CLVS1: variants seen among roughly 807,000 people sequenced by gnomAD.
CLVS1 encodes the protein clavesin-1.
Under a neutral mutation model 33.1 loss-of-function variants are expected in CLVS1, and 10 were observed. The ratio of observed to expected loss-of-function variants is 0.30; its 90% CI spans 0.19 to 0.51. The LOEUF (loss-of-function observed/expected upper bound fraction) is 0.51, where lower values mean the gene tolerates loss of function less well. Ranked by LOEUF, CLVS1 falls within the 20% of genes least tolerant of loss-of-function variation. The pLI is 0.97. For synonymous variants in CLVS1, 163 were observed against 166.1 expected, an observed-to-expected ratio of 0.98 and a Z score of 0.14; for missense variants, 343 against 433.4, an observed-to-expected ratio of 0.79 and a Z score of 1.85.
intron 2 of CLVS1, among the ~76,000 whole-genome samples, chr8:61,168,261 T>C (rs1482040473): frequency 6.6e-6 from 1 of 152,214 alleles, no homozygotes; most frequent in African/African-American, 2.4e-5. Context: ...CTATATGTTT[T>C]ACAGCCATAA....
intron 2 of CLVS1, among the ~76,000 whole-genome samples, chr8:61,184,531 C>T (rs527545974): frequency 2.6e-5 from 4 of 152,280 alleles, no homozygotes; most frequent in African/African-American, 4.8e-5. Flanking sequence ...AAGGCTGTAG[C>T]GGAGAAGCAG....
chr8:61,149,551 C>CA (rs1166606940), intron 2 of CLVS1, among the ~76,000 whole-genome samples: 9,390 of 51,386 alleles, frequency 0.18, 1,085 homozygotes, highest in East Asian at 0.29. Flanking sequence ...GACTCTGTCT[C>CA]AAAAAAAAAA....
chr8:61,347,796 T>G lies in CLVS1; in HGVS notation c.456-28809T>G, dbSNP rs546982682. Among the ~76,000 whole-genome samples the G allele has an allele frequency of 3.3e-5, 5 of 150,454 alleles. No homozygotes were observed. In the South Asian group the frequency reaches 8.5e-4, roughly 26 times the overall value. ...TATCCTTTGGCTATATACTCAGAGG[T>G]GGGATTGCTGAATCATATGATAGTT... On this transcript the variant is annotated intron_variant, in intron 2 of 5. Transcript: ENST00000325897.
chr8:61,352,990 G>T (rs557443640), intron 2 of CLVS1, among the ~76,000 whole-genome samples: 3 of 152,028 alleles, frequency 2.0e-5, no homozygotes, highest in East Asian at 1.9e-4. Context: ...AGGAATCCTG[G>T]AACCAATTTC....
chr8:61,297,531 A>T (rs1162835496), intron 1 of CLVS1, among the ~76,000 whole-genome samples: 1 of 152,198 alleles, frequency 6.6e-6, no homozygotes, highest in African/African-American at 2.4e-5. Context: ...ACTAAAAGAC[A>T]AAGACGGAGG....
intron 1 of CLVS1, among the ~76,000 whole-genome samples, chr8:61,093,392 G>A (rs1805288883): frequency 6.6e-6 from 1 of 152,166 alleles, no homozygotes; most frequent in South Asian, 2.1e-4. Flanking sequence ...CCTGGACTCA[G>A]GCCAAGTGAG....
the CLVS1 span, among the ~76,000 whole-genome samples, chr8:60,989,852 G>A: frequency 6.6e-6 from 1 of 152,076 alleles, no homozygotes; most frequent in East Asian, 1.9e-4. Flanking sequence ...GAGGCTGGGT[G>A]CGGTGACTCA....
chr8:61,294,292 A>C (rs966546205), intron 1 of CLVS1, among the ~76,000 whole-genome samples: 1 of 152,148 alleles, frequency 6.6e-6, no homozygotes, highest in Non-Finnish European at 1.5e-5. Flanking sequence ...TCTAAATCTC[A>C]GATTCATCTT....
At chr8:61,201,842 C>T (rs1184187564) in intron 2 of CLVS1, among the ~76,000 whole-genome samples, 1 of 152,134 alleles carries the variant, frequency 6.6e-6, no homozygotes, top group Non-Finnish European at 1.5e-5. Context: ...CTCAGCAAGG[C>T]CATTTTTATA....
intron 3 of CLVS1, among the ~76,000 whole-genome samples, chr8:61,421,084 T>A (rs2129604606): frequency 6.6e-6 from 1 of 152,372 alleles, no homozygotes; most frequent in African/African-American, 2.4e-5. Context: ...GGGTTGTTTT[T>A]GCTTTTGAGG....
intron 1 of CLVS1, among the ~76,000 whole-genome samples, chr8:61,077,855 G>A (rs1804950996): frequency 6.6e-6 from 1 of 152,200 alleles, no homozygotes; most frequent in South Asian, 2.1e-4. Flanking sequence ...GGATTTTGGT[G>A]GGGGCCCGCT....
chr8:61,432,828 T>C (rs1484700410), intron 3 of CLVS1, among the ~76,000 whole-genome samples: 1 of 152,078 alleles, frequency 6.6e-6, no homozygotes, highest in Non-Finnish European at 1.5e-5. Flanking sequence ...AGGATGTAGG[T>C]TGAAGAAAAA....
At chr8:61,066,752 A>T (rs1015081875) in intron 1 of CLVS1, among the ~76,000 whole-genome samples, 2 of 152,220 alleles carry the variant, frequency 1.3e-5, no homozygotes, top group Non-Finnish European at 2.9e-5. Flanking sequence ...CATGCTTTTT[A>T]AAAATGAAAA....
At chr8:61,461,113 C>G (rs1043758083) in intron 5 of CLVS1, among the ~76,000 whole-genome samples, 26 of 152,098 alleles carry the variant, frequency 1.7e-4, no homozygotes, top group Non-Finnish European at 8.8e-5. Context: ...GGTCCATGAA[C>G]AAGATAAATT....
upstream of CLVS1, among the ~76,000 whole-genome samples, chr8:61,286,903 G>A (rs1374975140): frequency 6.6e-6 from 1 of 152,142 alleles, no homozygotes; most frequent in Non-Finnish European, 1.5e-5. Flanking sequence ...CACTTTGCAA[G>A]TATTTCTTTT....
intron 1 of CLVS1, chr8:61,090,872 A>G: frequency 1.9e-6 from 1 of 518,800 alleles, no homozygotes; most frequent in Non-Finnish European, 3.8e-6. Flanking sequence ...GAGAAGACTG[A>G]GATTTTGGAC....
chr8:61,212,812 C>T (rs1038670012), intron 2 of CLVS1, among the ~76,000 whole-genome samples: 3 of 152,170 alleles, frequency 2.0e-5, no homozygotes, highest in Non-Finnish European at 4.4e-5. Context: ...GGAGATGAAG[C>T]AGGTGGGGCA....
intron 3 of CLVS1, among the ~76,000 whole-genome samples, chr8:61,380,184 G>A (rs552234876): frequency 1.3e-5 from 2 of 152,220 alleles, no homozygotes; most frequent in African/African-American, 4.8e-5. Flanking sequence ...AGAAGTGATG[G>A]GCACTGGGCT....
At chr8:61,256,651 A>C (rs78703709) in intron 2 of CLVS1, among the ~76,000 whole-genome samples, 48 of 27,510 alleles carry the variant, frequency 1.7e-3, no homozygotes, top group African/African-American at 0.013. Flanking sequence ...AAAACAAAAA[A>C]AAAAAATATT....
Sources: allele counts gnomAD v4.1 joint callset (sites outside exome capture counted in the v4.1 genomes callset), GRCh38; gene constraint gnomAD v4.1.1; transcripts MANE v1.5; gene names NCBI Gene and HGNC (gene_info 2026-07-23, HGNC 2026-07-21).